The following C12orf42 variants were observed in gnomAD, a reference collection of about 807,000 sequenced individuals.
The protein encoded by C12orf42 is uncharacterized protein C12orf42.
In C12orf42, 25 loss-of-function variants were observed where a neutral mutation model predicts 21.6. The observed-to-expected ratio is 1.16, with a 90% CI of 0.84 to 1.62. The LOEUF is 1.62. Ranked by LOEUF, C12orf42 falls within the 40% of genes most tolerant of loss-of-function variation. The probability of loss-of-function intolerance (pLI) is 0.00; values close to 1 mark genes in which losing one functional copy is unlikely to be tolerated. For synonymous variants in C12orf42, 174 were observed against 175.0 expected, an observed-to-expected ratio of 0.99 and a Z score of 0.05; for missense variants, 483 against 459.3, an observed-to-expected ratio of 1.05 and a Z score of -0.47.
chr12:103,157,431 C>G, the C12orf42 span, among the ~76,000 whole-genome samples: 4 of 152,032 alleles, frequency 2.6e-5, no homozygotes, highest in Non-Finnish European at 5.9e-5. Context: ...GTTACCTGTT[C>G]ACTTTGATGA....
chr12:103,156,874 T>C, the C12orf42 span, among the ~76,000 whole-genome samples: 2 of 152,210 alleles, frequency 1.3e-5, no homozygotes, highest in African/African-American at 4.8e-5. Context: ...CAGTCTATCA[T>C]TGATGGGCAT....
At chr12:103,070,536 A>ACACACACG in the C12orf42 span, among the ~76,000 whole-genome samples, 6 of 151,510 alleles carry the variant, frequency 4.0e-5, no homozygotes, top group African/African-American at 1.5e-4. Context: ...ACACACACAC[A>ACACACACG]CACACACCCG....
chr12:103,069,479 C>A, the C12orf42 span, among the ~76,000 whole-genome samples: 1 of 152,088 alleles, frequency 6.6e-6, no homozygotes, highest in African/African-American at 2.4e-5. Context: ...TACAATTAGG[C>A]AAAATCATCT....
At chr12:103,296,303 G>A (rs987483695) in intron 4 of C12orf42, among the ~76,000 whole-genome samples, 31 of 151,990 alleles carry the variant, frequency 2.0e-4, no homozygotes, top group Non-Finnish European at 2.1e-4. Flanking sequence ...TTGCTATTGT[G>A]AATAGTGCCA....
At chr12:103,218,920 C>T in the C12orf42 span, among the ~76,000 whole-genome samples, 767 of 152,294 alleles carry the variant, frequency 5.0e-3, 7 homozygotes, top group African/African-American at 0.018. Context: ...TCTCTGAACA[C>T]GTAGAAGAGA....
At chr12:103,376,506 T>C (rs1447519444) in intron 3 of C12orf42, among the ~76,000 whole-genome samples, 1 of 152,138 alleles carries the variant, frequency 6.6e-6, no homozygotes, top group Non-Finnish European at 1.5e-5. Flanking sequence ...CAAACCACCA[T>C]GGCACATGTA....
chr12:103,168,571 C>A, the C12orf42 span, among the ~76,000 whole-genome samples: 1 of 152,128 alleles, frequency 6.6e-6, no homozygotes, highest in Admixed American at 6.6e-5. Context: ...TATTATAAAA[C>A]CAACATTAGT....
intron 4 of C12orf42, among the ~76,000 whole-genome samples, chr12:103,331,359 G>A (rs993591188): frequency 6.6e-6 from 1 of 152,118 alleles, no homozygotes. Context: ...CAGTAAAGTC[G>A]AGAACCATCT....
At chr12:103,550,623 C>A in the C12orf42 span, 1 of 152,068 alleles carries the variant, frequency 6.6e-6, no homozygotes, top group Admixed American at 6.6e-5. Flanking sequence ...TTTATTACAT[C>A]TTTGCTAAAA....
the C12orf42 span, among the ~76,000 whole-genome samples, chr12:103,184,823 A>G: frequency 9.3e-5 from 14 of 150,914 alleles, no homozygotes; most frequent in Non-Finnish European, 1.8e-4. Context: ...ATGAGGTCAT[A>G]TAAGTGATCC....
At chr12:103,260,617 C>T (rs375084699) in intron 10 of C12orf42, among the ~76,000 whole-genome samples, 23 of 152,308 alleles carry the variant, frequency 1.5e-4, no homozygotes, top group East Asian at 9.6e-4. Flanking sequence ...GAATAAACCA[C>T]AAGAGCCCAA....
the C12orf42 span, among the ~76,000 whole-genome samples, chr12:103,136,260 C>A: frequency 3.3e-5 from 5 of 152,012 alleles, no homozygotes; most frequent in Middle Eastern, 3.4e-3. Flanking sequence ...AACAAACTAG[C>A]TGAAAAAGAA....
the C12orf42 span, among the ~76,000 whole-genome samples, chr12:103,222,479 G>T: frequency 6.6e-6 from 1 of 152,178 alleles, no homozygotes; most frequent in African/African-American, 2.4e-5. Flanking sequence ...CACTTCTTTT[G>T]TGATTCTTCA....
the C12orf42 span, among the ~76,000 whole-genome samples, chr12:103,131,702 G>A: frequency 6.6e-6 from 1 of 152,156 alleles, no homozygotes; most frequent in Admixed American, 6.5e-5. Flanking sequence ...TAGTCATTTG[G>A]GTAGGGCTAT....
At chr12:103,266,901 G>A (rs1004296945), downstream of C12orf42, among the ~76,000 whole-genome samples, 9 of 152,224 alleles carry the variant, frequency 5.9e-5, no homozygotes, top group African/African-American at 1.9e-4. Flanking sequence ...TCCAAGAAAG[G>A]TCAGACAGTG....
intron 4 of C12orf42, among the ~76,000 whole-genome samples, chr12:103,313,943 C>T (rs190293321): frequency 3.3e-5 from 5 of 152,136 alleles, no homozygotes; most frequent in East Asian, 3.9e-4. Flanking sequence ...AGGGGGAAGG[C>T]GGCAAAAGCA....
chr12:103,132,113 T>A, the C12orf42 span, among the ~76,000 whole-genome samples: 18 of 152,152 alleles, frequency 1.2e-4, no homozygotes, highest in African/African-American at 4.3e-4. Flanking sequence ...GTATTAGATA[T>A]AATCCTTTTC....
the C12orf42 span, among the ~76,000 whole-genome samples, chr12:103,056,919 C>T: frequency 6.6e-6 from 1 of 152,084 alleles, no homozygotes; most frequent in Non-Finnish European, 1.5e-5. Flanking sequence ...TTCATAATTG[C>T]TTGTTGAAGC....
intron 1 of C12orf42, among the ~76,000 whole-genome samples, chr12:103,480,732 A>G (rs1954405890): frequency 6.6e-6 from 1 of 151,592 alleles, no homozygotes; most frequent in Non-Finnish European, 1.5e-5. Context: ...TAATTTTTAA[A>G]TTGGTTACAT....
Sources: allele counts gnomAD v4.1 joint callset (sites outside exome capture counted in the v4.1 genomes callset), GRCh38; gene constraint gnomAD v4.1.1; transcripts MANE v1.5; gene names NCBI Gene and HGNC (gene_info 2026-07-23, HGNC 2026-07-21).